Variants in GLDC observed in about 807,000 individuals in gnomAD.
The protein encoded by GLDC is glycine dehydrogenase (decarboxylating), mitochondrial.
GLDC carries 104 observed loss-of-function variants against 121.3 expected under a neutral mutation model. The observed-to-expected ratio is 0.86, with a 90% confidence interval of 0.73 to 1.01. The LOEUF is 1.01. GLDC is among the 50% of genes least tolerant of loss of function. GLDC has a pLI of 0.00. For missense variants in GLDC, 1,429 were observed against 1,306.6 expected (o/e 1.09, Z -1.44); for synonymous variants, 546 against 480.6 (o/e 1.14, Z -1.78).
intron 2 of GLDC, among the ~76,000 whole-genome samples, chr9:6,637,994 A>T (rs994695983): frequency 6.6e-6 from 1 of 151,606 alleles, no homozygotes; most frequent in African/African-American, 2.4e-5. Flanking sequence ...CATCACTTTT[A>T]AAACAAATAT....
At position 6,610,270 on chromosome 9, in the gene GLDC, A is replaced by G; in HGVS notation, c.557T>C (p.Ile186Thr). Reference sequence around the variant, plus strand: ...TGCATTGGCCATGTCCAGGCCTGTGATGTCACACACCATGGTCTGGTAGTT... The same window carrying G: ...TGCATTGGCCATGTCCAGGCCTGTGGTGTCACACACCATGGTCTGGTAGTT... Reference protein sequence around the residue: ...LLNYQTMVCDITGLDMANASL... With the variant: ...LLNYQTMVCDTTGLDMANASL... The change falls in exon 4 of 25, where the codon ATC becomes ACC. Residue 186 changes from isoleucine to threonine, a missense_variant. Ile to Thr is a moderately conservative substitution (Grantham distance 89). Coordinates refer to ENST00000321612, the MANE Select transcript of GLDC (RefSeq NM_000170.3). The G allele has an allele frequency of 6.2e-7, 1 of 1,613,916 alleles. No homozygotes were observed. The highest frequency in any genetic ancestry group is 8.5e-7 in the Non-Finnish European group (1 of 1,179,874).
rs756931240 is a variant in GLDC at position 6,645,321 on chromosome 9, T to C, written c.179A>G (p.His60Arg). ...GATGTGCCTCCGAGCGAAGTCGTCG[T>C]GTCTGGGCAGAAGGCGCTCCAGGAG... ...SRLLERLLPR[H>R]DDFARRHIGP... The change falls in exon 1 of 25, where the codon CAC becomes CGC. Residue 60 changes from histidine to arginine, a missense_variant. Transcript: ENST00000321612. 8.2e-6 allele frequency: 13 copies of C among 1,586,648 alleles called. No homozygotes were observed. The South Asian group carries it at 1.5e-4, about 18-fold the overall frequency.
chr9:6,643,942 G>T lies in GLDC; in HGVS notation c.334+672C>A, dbSNP rs535603412. On this transcript the variant is annotated intron_variant, in intron 2 of 24. Transcript: ENST00000321612. The stretch of plus-strand genomic sequence containing the variant: ...CCAGCTAGTCAAGAGGCTGAGGCAG[G>T]AGAATTGCTTGAACCAGGGAGGCGG... Among the ~76,000 whole-genome samples, 6 of 139,934 alleles carry T rather than the reference G, an allele frequency of 4.3e-5. No individual in the cohort carries two copies. The South Asian group carries it at 1.4e-3, about 33-fold the overall frequency. 91.8% of individuals were successfully genotyped at this position (139,934 alleles called of 152,430 possible).
At chr9:6,580,547 C>T (rs941664106) in intron 15 of GLDC, among the ~76,000 whole-genome samples, 1 of 152,142 alleles carries the variant, frequency 6.6e-6, no homozygotes, top group Non-Finnish European at 1.5e-5. Flanking sequence ...TTAGACCTTG[C>T]CAAGCCAGCA....
intron 2 of GLDC, among the ~76,000 whole-genome samples, chr9:6,625,510 A>T (rs1819216802): frequency 1.3e-5 from 2 of 152,206 alleles, no homozygotes; most frequent in Non-Finnish European, 2.9e-5. Context: ...CCGCTAAGGT[A>T]ATTCTTCCAG....
chr9:6,573,090 G>A (rs747528441), intron 15 of GLDC, among the ~76,000 whole-genome samples: 1 of 152,120 alleles, frequency 6.6e-6, no homozygotes, highest in African/African-American at 2.4e-5. Flanking sequence ...TATTTCACAG[G>A]TGAACTTAAA....
Position 6,588,389 on chromosome 9 carries a change from T to A in GLDC, c.1707+12A>T, listed in dbSNP as rs1014621103. On this transcript the variant is annotated intron_variant, in intron 14 of 24. Transcript: ENST00000321612. ...CTTGCTGAGTATCCACTTACAGAAGTGAGCTACTTACTGCGAGTTCAGACG... is the reference window on the plus strand; with the variant it reads ...CTTGCTGAGTATCCACTTACAGAAGAGAGCTACTTACTGCGAGTTCAGACG... The A allele has an allele frequency of 1.9e-6, 3 of 1,597,284 alleles. No homozygotes were observed. The African/African-American group carries it at 4.0e-5, about 21-fold the overall frequency.
chr9:6,640,678 A>G (rs1479236409), intron 2 of GLDC, among the ~76,000 whole-genome samples: 1 of 152,196 alleles, frequency 6.6e-6, no homozygotes, highest in Non-Finnish European at 1.5e-5. Flanking sequence ...ATTTTGTGTA[A>G]ACTTTAATCC....
At chr9:6,566,191 C>A (rs903287125) in intron 15 of GLDC, among the ~76,000 whole-genome samples, 1 of 152,144 alleles carries the variant, frequency 6.6e-6, no homozygotes, top group African/African-American at 2.4e-5. Context: ...TGCAGTAAGC[C>A]GAGATGGTGC....
At chr9:6,619,129 T>G (rs1819026148) in intron 3 of GLDC, among the ~76,000 whole-genome samples, 1 of 105,596 alleles carries the variant, frequency 9.5e-6, no homozygotes, top group Admixed American at 1.5e-4. Context: ...GGCAACAGAG[T>G]GAGACTCTGT....
intron 15 of GLDC, among the ~76,000 whole-genome samples, chr9:6,570,041 G>C (rs1372918846): frequency 6.6e-6 from 1 of 152,174 alleles, no homozygotes; most frequent in African/African-American, 2.4e-5. Flanking sequence ...TTCTCAGATG[G>C]TGACTGCTTT....
At chr9:6,613,608 TAA>T (rs1256774786) in intron 3 of GLDC, among the ~76,000 whole-genome samples, 2 of 152,264 alleles carry the variant, frequency 1.3e-5, no homozygotes, top group Non-Finnish European at 2.9e-5. Context: ...ATAAATTATT[TAA>T]GTTATAATTT....
Position 6,587,167 on chromosome 9 carries a change from A to G in GLDC, c.1824T>C (p.Tyr608=), listed in dbSNP as rs542429544. 16 of 1,613,896 alleles carry G rather than the reference A, an allele frequency of 9.9e-6. No homozygotes were observed. The African/African-American group carries it at 1.9e-4, about 19-fold the overall frequency. Residue 608 remains tyrosine (Y), a synonymous_variant, in exon 15 of 25, where the codon TAT becomes TAC. Coordinates refer to ENST00000321612, the MANE Select transcript of GLDC (RefSeq NM_000170.3). Reference sequence around the variant, plus strand: ...TGTTTGGCTGGAAACAGACCTGGTCATAACCTGTGAGTTCACACAAATCCT... The same window carrying G: ...TGTTTGGCTGGAAACAGACCTGGTCGTAACCTGTGAGTTCACACAAATCCT... The part of the protein sequence containing the change: ...LEKDLCELTG[Y]DQVCFQPNSG...
intron 21 of GLDC, chr9:6,541,759 G>A (rs1226189535): frequency 6.9e-6 from 1 of 144,056 alleles, no homozygotes; most frequent in African/African-American, 2.6e-5. Context: ...CCTGGAAGGT[G>A]GTGGTTGCAG....
At chr9:6,585,725 CAGG>C (rs1818256447) in intron 15 of GLDC, among the ~76,000 whole-genome samples, 1 of 152,146 alleles carries the variant, frequency 6.6e-6, no homozygotes, top group African/African-American at 2.4e-5. Flanking sequence ...CTTTGAGCAG[CAGG>C]AGGTGAAGAA....
chr9:6,599,378 G>C, intron 8 of GLDC, among the ~76,000 whole-genome samples: 1 of 152,018 alleles, frequency 6.6e-6, no homozygotes, highest in East Asian at 1.9e-4. Flanking sequence ...AACGTAAGCA[G>C]AGAATTCAAC....
chr9:6,533,114 A>G lies in GLDC; in HGVS notation c.2966T>C (p.Ile989Thr), dbSNP rs149336868. 162 of 1,612,504 alleles carry G rather than the reference A, an allele frequency of 1.0e-4. No individual in the cohort carries two copies. Among genetic ancestry groups the G allele is most frequent in the Non-Finnish European group, 1.3e-4 (159 of 1,178,674 alleles). ...ENKFWPTIAR[I>T]DDIYGDQHLV... ...GTGCTGATCTCCATATATGTCATCA[A>G]TCCGGGCAATCGTTGGCCAGAATTT... Residue 989 changes from isoleucine (I) to threonine (T), a missense_variant, in exon 25 of 25, where the codon ATT becomes ACT. Coordinates refer to ENST00000321612, the MANE Select transcript of GLDC (RefSeq NM_000170.3).
intron 8 of GLDC, among the ~76,000 whole-genome samples, chr9:6,601,129 C>T (rs551666146): frequency 6.6e-6 from 1 of 152,008 alleles, no homozygotes; most frequent in Admixed American, 6.6e-5. Context: ...GCTGAGATTG[C>T]GCCACTGCAC....
chr9:6,560,762 A>G (rs1226405540), intron 16 of GLDC, among the ~76,000 whole-genome samples: 2 of 152,248 alleles, frequency 1.3e-5, no homozygotes, highest in Non-Finnish European at 2.9e-5. Flanking sequence ...CGGGCTCCCA[A>G]AGACATCCCT....
Sources: gnomAD v4.1 joint callset for allele counts (sites outside exome capture counted in the v4.1 genomes callset) on GRCh38, gnomAD v4.1.1 for gene constraint, MANE v1.5 for transcripts, NCBI Gene and HGNC (gene_info 2026-07-23, HGNC 2026-07-21) for gene names.